ELOC: variants seen among roughly 807,000 people sequenced by gnomAD.
ELOC encodes the protein elongin C.
For synonymous variants in ELOC, 40 were observed against 51.3 expected, an observed-to-expected ratio of 0.78 and a Z score of 0.94; for missense variants, 38 against 139.0, an observed-to-expected ratio of 0.27 and a Z score of 3.65.
chr8:73,959,664 G>C, intron 2 of ELOC, 101 bp downstream of exon 2: 1 of 987,792 alleles, frequency 1.0e-6, no homozygotes. Context: ...ACTAATTTCA[G>C]TCTACTGAAA....
rs142187569 is a variant in ELOC, at chr8:73,963,121, T to C, written c.-50-3303A>G. 2.7e-3 allele frequency among the ~76,000 whole-genome samples: 405 copies of C among 152,328 alleles called. 2 individuals are homozygous for C. Among genetic ancestry groups the C allele is most frequent in the Non-Finnish European group, 4.3e-3 (293 of 68,026 alleles). ...ATGGCCTGAGACGTCATTATGCTTT[T>C]AAGGTGTTACATATAAATATTAATC... On this transcript the variant is annotated intron_variant, in intron 1 of 3. Transcript: ENST00000520242.
chr8:73,968,201 T>C (rs1815118849), intron 1 of ELOC, among the ~76,000 whole-genome samples: 1 of 152,240 alleles, frequency 6.6e-6, no homozygotes, highest in South Asian at 2.1e-4. Flanking sequence ...ATAGGACTTC[T>C]GTTTCTTCAT....
chr8:73,965,520 A>T (rs1181694556), intron 1 of ELOC, among the ~76,000 whole-genome samples: 2 of 152,260 alleles, frequency 1.3e-5, no homozygotes, highest in Non-Finnish European at 2.9e-5. Context: ...CAAGCCAAAC[A>T]AAAAAGTATA....
chr8:73,971,466 G>T (rs34808941), intron 1 of ELOC, among the ~76,000 whole-genome samples: 47,301 of 151,926 alleles, frequency 0.31, 7,584 homozygotes, highest in Admixed American at 0.39. Flanking sequence ...AAATGCTCAC[G>T]CTAAATGGCA....
chr8:73,955,075 A>G (rs1472997386), intron 3 of ELOC, among the ~76,000 whole-genome samples: 1 of 151,082 alleles, frequency 6.6e-6, no homozygotes, highest in East Asian at 1.9e-4. Flanking sequence ...TATGGAACCT[A>G]ATGTAGGAAA....
intron 1 of ELOC, among the ~76,000 whole-genome samples, chr8:73,970,924 C>T (rs932167477): frequency 1.2e-4 from 12 of 102,218 alleles, no homozygotes; most frequent in Non-Finnish European, 2.0e-4. Flanking sequence ...ATCCCAGCTG[C>T]TCCAGAGGCT....
intron 1 of ELOC, among the ~76,000 whole-genome samples, chr8:73,967,021 T>TA (rs906380025): frequency 1.3e-5 from 2 of 152,198 alleles, no homozygotes; most frequent in African/African-American, 4.8e-5. Context: ...ATGAGGATAA[T>TA]ACAGCATCTA....
At chr8:73,962,526 ATT>A (rs1814673630) in intron 1 of ELOC, among the ~76,000 whole-genome samples, 1 of 151,990 alleles carries the variant, frequency 6.6e-6, no homozygotes, top group Non-Finnish European at 1.5e-5. Context: ...AGCCATTATT[ATT>A]TTCTTTTCAT....
intron 3 of ELOC, among the ~76,000 whole-genome samples, chr8:73,950,712 T>C (rs1235727246): frequency 1.6e-4 from 24 of 152,176 alleles, no homozygotes; most frequent in Middle Eastern, 3.2e-3. Context: ...TACCTACAAA[T>C]ATCCTTTGCT....
intron 1 of ELOC, among the ~76,000 whole-genome samples, chr8:73,961,142 A>T (rs1311021313): frequency 6.6e-6 from 1 of 152,228 alleles, no homozygotes; most frequent in Non-Finnish European, 1.5e-5. Context: ...TGCTAAAGGA[A>T]ATGGTTTCAC....
chr8:73,953,274 C>T (rs183810237), intron 3 of ELOC, among the ~76,000 whole-genome samples: 65 of 148,914 alleles, frequency 4.4e-4, no homozygotes, highest in South Asian at 6.4e-4. Context: ...CCACTGCACT[C>T]TAGCCTGCGT....
rs541484157 is a variant in ELOC at position 73,951,187 on chromosome 8, G to A, written c.149-4367C>T. On this transcript the variant is annotated intron_variant, in intron 3 of 3. Transcript: ENST00000520242. ...CTCAGGAAGCTGAGGGAGGAGAATC[G>A]CTTGAACCCTAGAGGCAGAGGTTGC... Among the ~76,000 whole-genome samples the A allele has an allele frequency of 8.5e-5, 13 of 152,288 alleles. No individual in the cohort carries two copies. The East Asian group carries it at 2.3e-3, about 27-fold the overall frequency.
At chr8:73,967,242 C>G (rs1018570952) in intron 1 of ELOC, among the ~76,000 whole-genome samples, 2 of 152,034 alleles carry the variant, frequency 1.3e-5, no homozygotes, top group African/African-American at 4.8e-5. Flanking sequence ...CTCCTCCACC[C>G]GTATCCTGGA....
At chr8:73,960,270 C>A (rs370608669) in intron 1 of ELOC, among the ~76,000 whole-genome samples, 1 of 152,202 alleles carries the variant, frequency 6.6e-6, no homozygotes, top group African/African-American at 2.4e-5. Flanking sequence ...CGTTGAAAAT[C>A]CAAACAAAAC....
intron 2 of ELOC, among the ~76,000 whole-genome samples, 156 bp from the exon 3 acceptor site, chr8:73,956,210 G>T (rs1188315666): frequency 6.6e-6 from 1 of 152,020 alleles, no homozygotes; most frequent in Non-Finnish European, 1.5e-5. Context: ...GGTCAAACAA[G>T]CCCGTCTCTA....
intron 2 of ELOC, among the ~76,000 whole-genome samples, chr8:73,959,265 G>A (rs1016817061): frequency 4.6e-5 from 7 of 152,068 alleles, no homozygotes; most frequent in African/African-American, 7.2e-5. Flanking sequence ...GAGCGCAGTC[G>A]TGCAATCATA....
intron 1 of ELOC, among the ~76,000 whole-genome samples, chr8:73,963,094 C>A (rs1331767691): frequency 6.6e-6 from 1 of 152,164 alleles, no homozygotes; most frequent in Admixed American, 6.5e-5. Flanking sequence ...AGAGCATGAA[C>A]AATGGCCTGA....
chr8:73,961,003 A>T (rs1329512103), intron 1 of ELOC, among the ~76,000 whole-genome samples: 2 of 152,218 alleles, frequency 1.3e-5, no homozygotes, highest in African/African-American at 2.4e-5. Flanking sequence ...TACTTAGATA[A>T]GTACACATAC....
chr8:73,955,294 C>A (rs568779831), intron 3 of ELOC, among the ~76,000 whole-genome samples: 156 of 152,172 alleles, frequency 1.0e-3, no homozygotes, highest in Admixed American at 2.4e-3. Flanking sequence ...CATGGTGAAA[C>A]CCCATCTCTA....
Sources: allele counts gnomAD v4.1 joint callset (sites outside exome capture counted in the v4.1 genomes callset), GRCh38; gene constraint gnomAD v4.1.1; transcripts MANE v1.5; gene names NCBI Gene and HGNC (gene_info 2026-07-23, HGNC 2026-07-21).